Variants in COL5A1 observed in about 807,000 individuals in gnomAD.
COL5A1 encodes the protein collagen alpha-1(V) chain.
In COL5A1, 16 loss-of-function variants were observed where a neutral mutation model predicts 263.7. That is an observed-to-expected ratio of 0.06 (90% CI 0.04 to 0.09). The LOEUF (loss-of-function observed/expected upper bound fraction) is 0.09. Among genes scored for constraint, COL5A1 ranks in the 10% least tolerant of loss-of-function variants. The pLI, the probability that COL5A1 is intolerant of heterozygous loss-of-function variation, is 1.00. For synonymous variants in COL5A1, 1,012 were observed against 1,004.5 expected, an observed-to-expected ratio of 1.01 and a Z score of -0.14; for missense variants, 2,036 against 2,540.5, an observed-to-expected ratio of 0.80 and a Z score of 4.27.
chr9:134,707,816 C>T (rs900107035), intron 4 of COL5A1, among the ~76,000 whole-genome samples: 8 of 152,226 alleles, frequency 5.3e-5, no homozygotes, highest in Non-Finnish European at 7.3e-5. Context: ...CTCTGGAGCC[C>T]GCAGCCCATC....
At chr9:134,709,300 T>G (rs1833949797) in intron 4 of COL5A1, 9 of 181,164 alleles carry the variant, frequency 5.0e-5, no homozygotes, top group Admixed American at 1.1e-4. Flanking sequence ...GAGCTGTGCC[T>G]GGCTGAGGAG....
At chr9:134,805,102 G>T in intron 40 of COL5A1, 38 bp downstream of exon 40, 1 of 1,613,670 alleles carries the variant, frequency 6.2e-7, no homozygotes, top group Non-Finnish European at 8.5e-7. Flanking sequence ...AATGGGACAG[G>T]TGCAGCCCTG....
intron 64 of COL5A1, among the ~76,000 whole-genome samples, chr9:134,833,182 G>A (rs746750356): frequency 1.3e-5 from 2 of 152,266 alleles, no homozygotes; most frequent in African/African-American, 2.4e-5. Flanking sequence ...TAGGCCAGGA[G>A]AGATGTGTGC....
chr9:134,642,447 C>T lies in COL5A1; in HGVS notation c.109+151C>T, dbSNP rs1831326570. Among the ~76,000 whole-genome samples, 1 of 151,950 alleles carries T rather than the reference C, an allele frequency of 6.6e-6. No individual in the cohort carries two copies. Among genetic ancestry groups the T allele is most frequent in the Admixed American group, 6.5e-5 (1 of 15,280 alleles). ...CCACGAATGCCATTTGCTGGGGGCC[C>T]CCCCGAGATGACGACACGCAGACAC... On this transcript the variant is annotated intron_variant, in intron 1 of 65. Coordinates refer to ENST00000371817, the MANE Select transcript of COL5A1 (RefSeq NM_000093.5). This position sits in a 1 kb window ranked among gnomAD's most constrained non-coding sequence, Gnocchi z 4.5.
chr9:134,835,149 A>G lies in COL5A1; in HGVS notation c.5315A>G (p.Glu1772Gly), dbSNP rs1839805239. The change falls in exon 65 of 66, where the codon GAG (glutamate) becomes GGG (glycine). Residue 1772 changes from glutamate to glycine, a missense_variant. Physicochemically the swap from Glu to Gly is moderately conservative, Grantham distance 98. Transcript: ENST00000371817. ...CTCCGCTTCCTGGGCTCCAACGACGAGGAGATGTCCTATGACAACAACCCC... is the reference window on the plus strand; with the variant it reads ...CTCCGCTTCCTGGGCTCCAACGACGGGGAGATGTCCTATGACAACAACCCC... ...KALRFLGSND[E>G]EMSYDNNPYI... 6.2e-7 allele frequency: 1 copy of G among 1,613,728 alleles called. No homozygotes were observed. The highest frequency in any genetic ancestry group is 8.5e-7 in the Non-Finnish European group (1 of 1,180,034).
intron 18 of COL5A1, among the ~76,000 whole-genome samples, chr9:134,760,750 A>C (rs543332233): frequency 0.029 from 3,668 of 125,912 alleles, 80 homozygotes; most frequent in Admixed American, 0.065. Context: ...ACATGCACAC[A>C]CACCCCACAC....
At chr9:134,711,536 G>A (rs1211101032) in intron 4 of COL5A1, among the ~76,000 whole-genome samples, 1 of 152,110 alleles carries the variant, frequency 6.6e-6, no homozygotes, top group Non-Finnish European at 1.5e-5. Context: ...ATGGGGCACT[G>A]GGGGCTGGTG....
chr9:134,649,279 G>C, intron 1 of COL5A1: 1 of 339,282 alleles, frequency 2.9e-6, no homozygotes, highest in South Asian at 2.4e-5. Context: ...TATCAGCAGA[G>C]GAGTTTTTCT....
intron 4 of COL5A1, among the ~76,000 whole-genome samples, chr9:134,724,522 C>T (rs114654444): frequency 7.9e-5 from 12 of 152,198 alleles, no homozygotes; most frequent in Non-Finnish European, 8.8e-5. Context: ...TGCTCCCACC[C>T]GCTCCATCCA....
In COL5A1 at chr9:134,730,624, C is replaced by T. The variant is rs768185606; in HGVS notation, c.1164+149C>T. On this transcript the variant is annotated intron_variant, in intron 7 of 65. Coordinates refer to ENST00000371817, the MANE Select transcript of COL5A1 (RefSeq NM_000093.5). ...GTTCCACCACACCCTGGCCCTGGGC[C>T]CTTTGCAGCTGGGTGGCGTAATACT... 11 of 1,100,190 alleles carry T rather than the reference C, an allele frequency of 1.0e-5. No homozygotes were observed. The Admixed American group carries it at 1.0e-4, about 10-fold the overall frequency. 68.2% of individuals were successfully genotyped at this position (1,100,190 alleles called of 1,614,324 possible). A position where few individuals can be genotyped will look rare whatever the true frequency, so the allele number is the denominator to read the frequency against.
chr9:134,733,803 C>G (rs1834992977), intron 9 of COL5A1, among the ~76,000 whole-genome samples: 1 of 152,262 alleles, frequency 6.6e-6, no homozygotes, highest in Non-Finnish European at 1.5e-5. Context: ...CAGCCCCAAG[C>G]TACACTTGTT....
intron 32 of COL5A1, among the ~76,000 whole-genome samples, chr9:134,793,925 C>G (rs1486429985): frequency 1.3e-5 from 2 of 152,112 alleles, no homozygotes; most frequent in African/African-American, 4.8e-5. Context: ...AAATGGGAGA[C>G]TCTAGGAAGC....
At chr9:134,799,661 G>A (rs1282346968) in intron 37 of COL5A1, among the ~76,000 whole-genome samples, 1 of 152,068 alleles carries the variant, frequency 6.6e-6, no homozygotes, top group Non-Finnish European at 1.5e-5. Flanking sequence ...GTCTCTCTTT[G>A]GTTCATCGTG....
At chr9:134,820,950 C>T (rs180839938) in intron 58 of COL5A1, among the ~76,000 whole-genome samples, 14 of 152,264 alleles carry the variant, frequency 9.2e-5, no homozygotes, top group Admixed American at 2.0e-4. Flanking sequence ...TCATAGGATG[C>T]GGGGGACAGG....
At chr9:134,695,753 C>G (rs183572188) in intron 2 of COL5A1, among the ~76,000 whole-genome samples, 274 of 152,302 alleles carry the variant, frequency 1.8e-3, no homozygotes, top group African/African-American at 6.3e-3. Flanking sequence ...GTTAGTCCAG[C>G]CCAGGGAATG....
At chr9:134,776,951 G>A (rs1349499972) in intron 27 of COL5A1, among the ~76,000 whole-genome samples, 1 of 152,154 alleles carries the variant, frequency 6.6e-6, no homozygotes, top group African/African-American at 2.4e-5. Flanking sequence ...AATCACAGGG[G>A]CTCCACCCTG....
rs1267290303 is a variant in COL5A1 at position 134,677,813 on chromosome 9, G to C, written c.110-13099G>C. On this transcript the variant is annotated intron_variant, in intron 1 of 65. Coordinates refer to ENST00000371817, the MANE Select transcript of COL5A1 (RefSeq NM_000093.5). The surrounding 1 kb of genome is among the most constrained non-coding windows in gnomAD (Gnocchi z 4.4). ...AGTGTGTGGTTGAGACAGTGGATGC[G>C]GGAGGACTGTGAATAGGCTGCTTTC... 6.6e-6 allele frequency among the ~76,000 whole-genome samples: 1 copy of C among 152,226 alleles called. No individual in the cohort carries two copies. The highest frequency in any genetic ancestry group is 2.1e-4 in the South Asian group (1 of 4,832).
intron 18 of COL5A1, among the ~76,000 whole-genome samples, chr9:134,760,908 T>A (rs1219363441): frequency 7.5e-6 from 1 of 134,216 alleles, no homozygotes; most frequent in Non-Finnish European, 1.6e-5. Flanking sequence ...CATACACACA[T>A]GCACACACAC....
intron 42 of COL5A1, among the ~76,000 whole-genome samples, chr9:134,807,696 C>T (rs79769890): frequency 0.054 from 8,279 of 152,278 alleles, 331 homozygotes; most frequent in African/African-American, 0.12. Flanking sequence ...ACATTGGAAA[C>T]ATCTGGGCCA....
Sources: allele counts gnomAD v4.1 joint callset (sites outside exome capture counted in the v4.1 genomes callset), GRCh38; gene constraint gnomAD v4.1.1; non-coding constraint Gnocchi (gnomAD v3.1); transcripts MANE v1.5; gene names NCBI Gene and HGNC (gene_info 2026-07-23, HGNC 2026-07-21).